CHD9: variants seen among roughly 807,000 people sequenced by gnomAD.
The protein encoded by CHD9 is ATP-dependent chromatin remodeler CHD9.
Under a neutral mutation model 316.1 loss-of-function variants are expected in CHD9, and 77 were observed. The ratio of observed to expected loss-of-function variants is 0.24; its 90% CI spans 0.20 to 0.29. CHD9 has a LOEUF of 0.29. CHD9 is among the 10% of genes least tolerant of loss of function. The pLI is 1.00. For synonymous variants in CHD9, 1,129 were observed against 1,158.3 expected, an observed-to-expected ratio of 0.97 and a Z score of 0.51; for missense variants, 2,763 against 3,438.1, an observed-to-expected ratio of 0.80 and a Z score of 4.91.
intron 2 of CHD9, among the ~76,000 whole-genome samples, chr16:53,189,847 T>G (rs1315086994): frequency 1.3e-5 from 2 of 152,190 alleles, no homozygotes; most frequent in African/African-American, 4.8e-5. Context: ...TTCAAATATT[T>G]GAGATCAACA....
chr16:53,284,861 G>T (rs1295446354), intron 24 of CHD9, among the ~76,000 whole-genome samples: 3 of 152,140 alleles, frequency 2.0e-5, no homozygotes, highest in Admixed American at 2.0e-4. Flanking sequence ...AACTTCCCAG[G>T]CTCAGGAGAT....
chr16:53,210,385 G>A (rs545197422), intron 3 of CHD9, among the ~76,000 whole-genome samples: 3 of 151,572 alleles, frequency 2.0e-5, no homozygotes, highest in Non-Finnish European at 2.9e-5. Context: ...TTTACTTTAC[G>A]TAATAAAGAG....
intron 32 of CHD9, 145 bp downstream of exon 32, chr16:53,306,542 T>G (rs1029898036): frequency 3.7e-6 from 2 of 547,918 alleles, no homozygotes; most frequent in Non-Finnish European, 6.1e-6. Flanking sequence ...AAGTATAAAT[T>G]ACTGCTATCA....
chr16:53,243,941 A>T (rs1414701710), intron 13 of CHD9, among the ~76,000 whole-genome samples: 1 of 152,096 alleles, frequency 6.6e-6, no homozygotes, highest in Non-Finnish European at 1.5e-5. Flanking sequence ...CTCCCTGTCC[A>T]TCTATGCCAC....
At chr16:53,184,396 A>G (rs1408474769) in intron 2 of CHD9, among the ~76,000 whole-genome samples, 3 of 152,012 alleles carry the variant, frequency 2.0e-5, no homozygotes, top group Non-Finnish European at 4.4e-5. Context: ...GAGTGCAGTT[A>G]AATTTTCATG....
chr16:53,203,819 C>G (rs1036958070), intron 2 of CHD9, among the ~76,000 whole-genome samples: 1 of 151,588 alleles, frequency 6.6e-6, no homozygotes, highest in Non-Finnish European at 1.5e-5. Context: ...GTCAGGAGAT[C>G]GAGACCATCC....
At chr16:53,125,696 C>A (rs183083338) in intron 1 of CHD9, among the ~76,000 whole-genome samples, 2 of 152,332 alleles carry the variant, frequency 1.3e-5, no homozygotes, top group South Asian at 4.1e-4. Flanking sequence ...ATCACAAAGA[C>A]AAACAACCCA....
At position 53,324,839 on chromosome 16, in the gene CHD9, G is replaced by C; in HGVS notation, c.8638G>C (p.Gly2880Arg). 6.2e-7 allele frequency: 1 copy of C among 1,611,810 alleles called. No homozygotes were observed. The highest frequency in any genetic ancestry group is 8.5e-7 in the Non-Finnish European group (1 of 1,179,114). Residue 2880 changes from glycine to arginine, a missense_variant, in exon 39 of 39, where the codon GGA becomes CGA. By Grantham distance (125) the Gly-to-Arg change is moderately radical. Coordinates refer to ENST00000447540, the MANE Select transcript of CHD9 (RefSeq NM_001308319.2). ...TTCAGAGAAAGCTGATGCTTCATCT[G>C]GATCTGATAGTACATCGTCGTCATC... The part of the protein sequence containing the change: ...EGSEKADASS[G>R]SDSTSSSSED...
intron 1 of CHD9, among the ~76,000 whole-genome samples, chr16:53,094,885 C>T (rs529710678): frequency 5.3e-5 from 8 of 152,174 alleles, no homozygotes; most frequent in East Asian, 1.9e-4. Flanking sequence ...GTGATCTGCC[C>T]GCCTCAGTCT....
At chr16:53,186,185 G>A (rs545810218) in intron 2 of CHD9, among the ~76,000 whole-genome samples, 4 of 152,336 alleles carry the variant, frequency 2.6e-5, no homozygotes, top group Admixed American at 6.5e-5. Context: ...GAGGGGAGTT[G>A]TAGTCTGCAA....
Position 53,254,470 on chromosome 16 carries a change from C to T in CHD9, c.3894C>T (p.Asn1298=), listed in dbSNP as rs1422975936. 2 of 1,609,876 alleles carry T rather than the reference C, an allele frequency of 1.2e-6. No homozygotes were observed. Among genetic ancestry groups the T allele is most frequent in the African/African-American group, 1.3e-5 (1 of 74,998 alleles). Residue 1298 remains asparagine, a synonymous_variant, in exon 18 of 39, where the codon AAC becomes AAT. Coordinates refer to ENST00000447540, the MANE Select transcript of CHD9 (RefSeq NM_001308319.2). ...AQARCHRIGQ[N]KAVKVYRLVT... ...CTCGTTGCCACAGAATTGGTCAGAA[C>T]AAAGCAGTTAAAGTCTACAGACTGG...
intron 38 of CHD9, 89 bp from the exon 39 acceptor site, chr16:53,323,931 C>G: frequency 9.3e-7 from 1 of 1,075,386 alleles, no homozygotes. Flanking sequence ...AAATAATTAC[C>G]TATTTTTCAT....
rs557315928 is a variant in CHD9 at position 53,301,827 on chromosome 16, G to A, written c.5714-1893G>A. Among the ~76,000 whole-genome samples, 16 of 145,704 alleles carry A rather than the reference G, an allele frequency of 1.1e-4. No homozygotes were observed. In the East Asian group the frequency reaches 1.6e-3, roughly 15 times the overall value. ...GTCGCCCAGGCTGGTATGCAGTGGC[G>A]TGATCTCGGCTCACTGCAAGCTCCG... On this transcript the variant is annotated intron_variant, in intron 30 of 38. Transcript: ENST00000447540.
At chr16:53,141,318 A>G (rs1180614285) in intron 1 of CHD9, among the ~76,000 whole-genome samples, 1 of 152,206 alleles carries the variant, frequency 6.6e-6, no homozygotes, top group East Asian at 1.9e-4. Context: ...TTCTGGTTCC[A>G]GAGCCTGTAA....
At chr16:53,061,079 G>C (rs1478128072) in intron 1 of CHD9, among the ~76,000 whole-genome samples, 1 of 151,860 alleles carries the variant, frequency 6.6e-6, no homozygotes, top group Non-Finnish European at 1.5e-5. Context: ...GGTGCCCACT[G>C]CCATGCCTGG....
chr16:53,263,322 T>G (rs1165710265), intron 20 of CHD9, among the ~76,000 whole-genome samples: 1 of 152,182 alleles, frequency 6.6e-6, no homozygotes, highest in African/African-American at 2.4e-5. Context: ...CTTTTGGATA[T>G]AATTTACATT....
intron 34 of CHD9, among the ~76,000 whole-genome samples, chr16:53,310,508 T>C (rs2056371722): frequency 6.6e-6 from 1 of 152,184 alleles, no homozygotes; most frequent in Non-Finnish European, 1.5e-5. Flanking sequence ...TGTATAGCTT[T>C]TGCCTGTAAG....
At chr16:53,302,633 C>T (rs558286696) in intron 30 of CHD9, among the ~76,000 whole-genome samples, 2 of 152,292 alleles carry the variant, frequency 1.3e-5, no homozygotes, top group South Asian at 2.1e-4. Flanking sequence ...TTGTCTACAA[C>T]AGTTTTTTCT....
intron 20 of CHD9, among the ~76,000 whole-genome samples, chr16:53,266,036 C>G (rs1251002680): frequency 6.8e-6 from 1 of 147,896 alleles, no homozygotes; most frequent in African/African-American, 2.5e-5. Context: ...CTCTTTCTTA[C>G]GGAAGAATTC....
Sources: gnomAD v4.1 joint callset for allele counts (sites outside exome capture counted in the v4.1 genomes callset) on GRCh38, gnomAD v4.1.1 for gene constraint, MANE v1.5 for transcripts, NCBI Gene and HGNC (gene_info 2026-07-23, HGNC 2026-07-21) for gene names.